LDLRAD3: variants seen among roughly 807,000 people sequenced by gnomAD.
LDLRAD3 encodes low density lipoprotein receptor class A domain containing 3.
A neutral mutation model predicts 29.4 loss-of-function variants in LDLRAD3; 20 were observed. The ratio of observed to expected loss-of-function variants is 0.68; its 90% CI spans 0.48 to 0.99. The LOEUF (loss-of-function observed/expected upper bound fraction) is 0.99. LDLRAD3 is among the 50% of genes least tolerant of loss of function. LDLRAD3 has a pLI of 0.00. For missense variants in LDLRAD3, 420 were observed against 454.3 expected (o/e 0.92, Z 0.69); for synonymous variants, 157 against 192.7 (o/e 0.81, Z 1.53).
At chr11:36,050,928 A>T (rs75259277) in intron 2 of LDLRAD3, among the ~76,000 whole-genome samples, 14,535 of 152,188 alleles carry the variant, frequency 0.096, 908 homozygotes, top group Admixed American at 0.15. Flanking sequence ...CTGTGTCCTC[A>T]TATGGTGTAA....
At chr11:36,191,572 CTCTCTATATATA>C (rs1222929773) in intron 4 of LDLRAD3, among the ~76,000 whole-genome samples, 1 of 74,434 alleles carries the variant, frequency 1.3e-5, no homozygotes, top group East Asian at 3.8e-4. Context: ...CTCTCTCTCT[CTCTCTATATATA>C]TATATATATA....
chr11:36,033,943 G>T (rs535460874), intron 1 of LDLRAD3, among the ~76,000 whole-genome samples: 39 of 152,310 alleles, frequency 2.6e-4, no homozygotes, highest in African/African-American at 8.9e-4. Flanking sequence ...CAGAATAGGA[G>T]AAATAGTAGC....
At chr11:36,118,664 G>GT (rs1853709413) in intron 4 of LDLRAD3, among the ~76,000 whole-genome samples, 4 of 152,034 alleles carry the variant, frequency 2.6e-5, no homozygotes, top group African/African-American at 7.2e-5. Flanking sequence ...TTGTTTTAGG[G>GT]TTTTTTTAAC....
chr11:36,062,315 CA>C (rs1402034336), intron 2 of LDLRAD3, among the ~76,000 whole-genome samples: 2 of 152,182 alleles, frequency 1.3e-5, no homozygotes, highest in Non-Finnish European at 2.9e-5. Context: ...TTCCCTAGTA[CA>C]GGGTTGGTTC....
rs575435689 is a variant in LDLRAD3, at chr11:36,012,762, T to C, written c.47-23341T>C. ...TTTTTGGAATTTTCCATTAATATTT[T>C]CAGAAGTCCATTGACTGAGGGTAAC... On this transcript the variant is annotated intron_variant, in intron 1 of 5. Transcript: ENST00000315571. Among the ~76,000 whole-genome samples the C allele has an allele frequency of 2.6e-5, 4 of 152,324 alleles. No individual in the cohort carries two copies. In the South Asian group the frequency reaches 8.3e-4, roughly 32 times the overall value.
intron 4 of LDLRAD3, among the ~76,000 whole-genome samples, chr11:36,202,009 T>C (rs1032846721): frequency 6.6e-6 from 1 of 151,536 alleles, no homozygotes; most frequent in Non-Finnish European, 1.5e-5. Context: ...CCACCTTGTG[T>C]CAAAGACCCC....
Position 36,229,679 on chromosome 11 carries a change from G to A in LDLRAD3, c.*282G>A. The A allele has an allele frequency of 2.2e-6, 1 of 455,458 alleles. No individual in the cohort carries two copies. 28.2% of individuals were successfully genotyped at this position (455,458 alleles called of 1,614,324 possible). ...TTCACATTATTCTGTTTCTGTTGGAGAGACAGCATATAAAACAGTATTGAA... is the reference window on the plus strand; with the variant it reads ...TTCACATTATTCTGTTTCTGTTGGAAAGACAGCATATAAAACAGTATTGAA... On this transcript the variant is annotated 3_prime_UTR_variant, in exon 6 of 6. Transcript: ENST00000315571.
chr11:35,965,995 T>C (rs191312442), intron 1 of LDLRAD3, among the ~76,000 whole-genome samples: 4 of 152,366 alleles, frequency 2.6e-5, no homozygotes, highest in African/African-American at 9.6e-5. Context: ...GGCATGTTAC[T>C]ACTGACCTAC....
intron 2 of LDLRAD3, 25 bp from the exon 3 acceptor site, chr11:36,081,628 T>C: frequency 1.2e-6 from 2 of 1,614,186 alleles, no homozygotes; most frequent in Non-Finnish European, 1.7e-6. Context: ...TCCTGATGTC[T>C]TGCTGTTTCT....
At chr11:36,183,872 G>T (rs749500545) in intron 4 of LDLRAD3, 1 of 198,258 alleles carries the variant, frequency 5.0e-6, no homozygotes, top group South Asian at 5.9e-5. Flanking sequence ...TCTAATCTAC[G>T]GTTAAGTGGG....
chr11:36,128,494 C>A (rs913249267), intron 4 of LDLRAD3, among the ~76,000 whole-genome samples: 1 of 152,084 alleles, frequency 6.6e-6, no homozygotes, highest in Non-Finnish European at 1.5e-5. Context: ...GGAAATTGGA[C>A]TTTATCTCGA....
intron 4 of LDLRAD3, among the ~76,000 whole-genome samples, chr11:36,160,394 C>T (rs572799831): frequency 3.3e-5 from 5 of 152,218 alleles, no homozygotes; most frequent in South Asian, 4.2e-4. Context: ...CTTAGCGACC[C>T]CTGTTGCACC....
At chr11:35,989,801 T>C (rs12274224) in intron 1 of LDLRAD3, among the ~76,000 whole-genome samples, 15,699 of 152,094 alleles carry the variant, frequency 0.1, 2,569 homozygotes, top group African/African-American at 0.35. Context: ...GGGAGCCTTT[T>C]GTTGGAGTCT....
Position 36,098,272 on chromosome 11 carries a change from T to C in LDLRAD3, c.320-55T>C, listed in dbSNP as rs989262465. 15 of 1,605,804 alleles carry C rather than the reference T, an allele frequency of 9.3e-6. No individual in the cohort carries two copies. In the African/African-American group the frequency reaches 1.9e-4, roughly 20 times the overall value. Reference sequence around the variant, plus strand: ...CGCCAGGCTGGAAGAAGTTCCAGGGTCCCCAAGGGAACTTGCTGGCCTCCC... The same window carrying C: ...CGCCAGGCTGGAAGAAGTTCCAGGGCCCCCAAGGGAACTTGCTGGCCTCCC... On this transcript the variant is annotated intron_variant, in intron 3 of 5. Transcript: ENST00000315571.
intron 2 of LDLRAD3, among the ~76,000 whole-genome samples, chr11:36,071,170 G>A (rs908944200): frequency 3.3e-5 from 5 of 152,192 alleles, no homozygotes; most frequent in Non-Finnish European, 7.3e-5. Context: ...AGCAGTTAAG[G>A]AGCAACTTAA....
chr11:35,988,064 C>T (rs1388098653), intron 1 of LDLRAD3, among the ~76,000 whole-genome samples: 4 of 151,772 alleles, frequency 2.6e-5, no homozygotes, highest in Middle Eastern at 3.2e-3. Flanking sequence ...CTTTTTTGTT[C>T]GTTTGTTTTT....
chr11:36,097,525 G>C (rs528530423), intron 3 of LDLRAD3, among the ~76,000 whole-genome samples: 2 of 152,058 alleles, frequency 1.3e-5, no homozygotes, highest in Non-Finnish European at 2.9e-5. Context: ...GCCAGCCTTC[G>C]GGTTGACCAT....
intron 1 of LDLRAD3, among the ~76,000 whole-genome samples, chr11:35,991,867 T>TGTGTGTGTGTGTG (rs1565147663): frequency 6.2e-4 from 51 of 82,770 alleles, no homozygotes; most frequent in Middle Eastern, 5.8e-3. Flanking sequence ...GAATGGTTGT[T>TGTGTGTGTGTGTG]TGTGTGTGTG....
At chr11:36,121,598 T>C (rs1853759145) in intron 4 of LDLRAD3, among the ~76,000 whole-genome samples, 1 of 152,184 alleles carries the variant, frequency 6.6e-6, no homozygotes, top group Non-Finnish European at 1.5e-5. Flanking sequence ...AAATAATTGC[T>C]GGTTGTGGAA....
Sources: allele counts gnomAD v4.1 joint callset (sites outside exome capture counted in the v4.1 genomes callset), GRCh38; gene constraint gnomAD v4.1.1; transcripts MANE v1.5; gene names NCBI Gene and HGNC (gene_info 2026-07-23, HGNC 2026-07-21).